INSR: variants seen among roughly 807,000 people sequenced by gnomAD.
The protein encoded by INSR is insulin receptor, also known as IR.
Under a neutral mutation model 142.6 loss-of-function variants are expected in INSR, and 67 were observed. The ratio of observed to expected loss-of-function variants is 0.47; its 90% CI spans 0.39 to 0.58. INSR has a LOEUF of 0.58. INSR is among the 20% of genes least tolerant of loss of function. The pLI, the probability that INSR is intolerant of heterozygous loss-of-function variation, is 0.00. For missense variants in INSR, 1,248 were observed against 1,833.2 expected, an observed-to-expected ratio of 0.68 and a Z score of 5.83; for synonymous variants, 756 against 743.1, an observed-to-expected ratio of 1.02 and a Z score of -0.28.
chr19:7,188,797 G>C lies in INSR; in HGVS notation c.653-4160C>G, dbSNP rs56091360. Among the ~76,000 whole-genome samples, 5 of 144,626 alleles carry C rather than the reference G, an allele frequency of 3.5e-5. No homozygotes were observed. In the East Asian group the frequency reaches 1.0e-3, roughly 30 times the overall value. 94.9% of individuals were successfully genotyped at this position (144,626 alleles called of 152,430 possible). A position where few individuals can be genotyped will look rare whatever the true frequency, so the allele number is the denominator to read the frequency against. ...GCTGAGGCAGTAGAATCGCTTGAAC[G>C]CAAGAGGAGTTTGCAGTGAGTCAAG... On this transcript the variant is annotated intron_variant, in intron 2 of 21. Transcript: ENST00000302850.
At chr19:7,151,168 CTTTCTTTCTT>C (rs1568447390) in intron 10 of INSR, among the ~76,000 whole-genome samples, 10 of 6,418 alleles carry the variant, frequency 1.6e-3, no homozygotes, top group African/African-American at 1.7e-3. Context: ...CTTTCTCTTT[CTTTCTTTCTT>C]TCTTTCTTTC....
chr19:7,134,719 CGT>C (rs1568436305), intron 13 of INSR, among the ~76,000 whole-genome samples: 3 of 151,744 alleles, frequency 2.0e-5, no homozygotes, highest in African/African-American at 7.3e-5. Flanking sequence ...GAGTCGAGAT[CGT>C]GACACTGCAC....
At chr19:7,132,593 CTT>C (rs759007156) in intron 13 of INSR, among the ~76,000 whole-genome samples, 16 of 144,430 alleles carry the variant, frequency 1.1e-4, no homozygotes, top group Non-Finnish European at 1.1e-4. Flanking sequence ...TTTTCTTTTC[CTT>C]TTTTTTTTTT....
intron 2 of INSR, among the ~76,000 whole-genome samples, chr19:7,198,526 C>T (rs1041523954): frequency 2.6e-5 from 4 of 152,136 alleles, no homozygotes; most frequent in Non-Finnish European, 4.4e-5. Context: ...ATCGGGTCAC[C>T]GCGTGGCAGC....
At chr19:7,191,307 GAGAA>G (rs1568475159) in intron 2 of INSR, among the ~76,000 whole-genome samples, 3 of 141,444 alleles carry the variant, frequency 2.1e-5, no homozygotes, top group East Asian at 4.3e-4. Flanking sequence ...GAAAAGAAAA[GAGAA>G]AGAAAGAAAG....
chr19:7,256,474 A>G (rs1201170636), intron 2 of INSR, among the ~76,000 whole-genome samples: 3 of 151,784 alleles, frequency 2.0e-5, no homozygotes, highest in Non-Finnish European at 4.4e-5. Flanking sequence ...AAATAATTCC[A>G]ATCCTGGCTG....
intron 2 of INSR, among the ~76,000 whole-genome samples, chr19:7,248,775 T>TTTTTTTTTTTTTTA (rs1976612946): frequency 1.8e-5 from 2 of 114,194 alleles, no homozygotes; most frequent in Non-Finnish European, 1.9e-5. Context: ...TTTTTTTTTT[T>TTTTTTTTTTTTTTA]GAGACGGAGT....
intron 19 of INSR, 87 bp downstream of exon 19, chr19:7,122,527 G>A (rs1972518359): frequency 2.2e-6 from 3 of 1,373,770 alleles, no homozygotes; most frequent in Non-Finnish European, 2.1e-6. Context: ...TATCAGAAAA[G>A]ACTTAACGGC....
intron 13 of INSR, among the ~76,000 whole-genome samples, chr19:7,135,585 GA>G (rs57360703): frequency 0.19 from 28,431 of 147,748 alleles, 4,539 homozygotes; most frequent in East Asian, 0.65. Context: ...CTCTGTCTCT[GA>G]AAAAAAAAAT....
In INSR at chr19:7,159,465, A is replaced by T. The variant is rs1214248339; in HGVS notation, c.2029+3567T>A. 2 of 152,000 alleles carry T rather than the reference A, an allele frequency of 1.3e-5. No homozygotes were observed. The highest frequency in any genetic ancestry group is 3.9e-4 in the East Asian group (2 of 5,192). 9.4% of individuals were successfully genotyped at this position (152,000 alleles called of 1,614,324 possible). A position where few individuals can be genotyped will look rare whatever the true frequency, so the allele number is the denominator to read the frequency against. ...TCCTTTTAATGATATTAACTTTGTG[A>T]CAATTACAAATAAAACCATGTTTAA... On this transcript the variant is annotated intron_variant, in intron 9 of 21. Transcript: ENST00000302850. The surrounding 1 kb of genome is among the most constrained non-coding windows in gnomAD (Gnocchi z 4.3).
chr19:7,234,830 C>T (rs1019134326), intron 2 of INSR, among the ~76,000 whole-genome samples: 5 of 151,554 alleles, frequency 3.3e-5, no homozygotes, highest in African/African-American at 9.7e-5. Flanking sequence ...GAGGCCGAGG[C>T]GGGTGGACAC....
chr19:7,172,684 C>T (rs1974046041), intron 4 of INSR, among the ~76,000 whole-genome samples: 1 of 152,106 alleles, frequency 6.6e-6, no homozygotes, highest in Non-Finnish European at 1.5e-5. Flanking sequence ...ATCTCCTTGG[C>T]TTGTTCCATC....
Position 7,166,086 on chromosome 19 carries a change from C to G in INSR, c.1861+68G>C. The G allele has an allele frequency of 6.4e-7, 1 of 1,565,774 alleles. No individual in the cohort carries two copies. The highest frequency in any genetic ancestry group is 8.8e-7 in the Non-Finnish European group (1 of 1,137,672). On this transcript the variant is annotated intron_variant, in intron 8 of 21. Coordinates refer to ENST00000302850, the MANE Select transcript of INSR (RefSeq NM_000208.4). This position sits in a 1 kb window ranked among gnomAD's most constrained non-coding sequence, Gnocchi z 4.1. ...TCAAGGAGCATTTTATACAACCTCA[C>G]TGCATCAGCCTATTAAAAGCAAGAG...
intron 2 of INSR, among the ~76,000 whole-genome samples, chr19:7,246,599 T>C (rs1247851750): frequency 6.6e-6 from 1 of 152,242 alleles, no homozygotes; most frequent in African/African-American, 2.4e-5. Flanking sequence ...GATTGTTGAT[T>C]AAGCCATTAC....
rs1475302199 is a variant in INSR, at chr19:7,122,873, G to A, written c.3369+6C>T. On this transcript the variant is annotated splice_donor_region_variant and intron_variant, in intron 18 of 21. Transcript: ENST00000302850. ...GTACCCCGCTGGGTCCCCCGAAGCA[G>A]CTTACCTCAGCCTCTGGCCGCAGAG... The A allele has an allele frequency of 6.2e-7, 1 of 1,609,500 alleles. No homozygotes were observed. The highest frequency in any genetic ancestry group is 8.5e-7 in the Non-Finnish European group (1 of 1,178,222).
At chr19:7,155,865 G>A (rs1195936224) in intron 9 of INSR, among the ~76,000 whole-genome samples, 1 of 151,582 alleles carries the variant, frequency 6.6e-6, no homozygotes, top group African/African-American at 2.4e-5. Flanking sequence ...AGTGAGCTGA[G>A]ATGGGGCCAC....
At chr19:7,257,318 G>A (rs758662085) in intron 2 of INSR, among the ~76,000 whole-genome samples, 4 of 151,922 alleles carry the variant, frequency 2.6e-5, no homozygotes, top group East Asian at 3.9e-4. Flanking sequence ...CTGTATGGAC[G>A]ACAGTGACAT....
chr19:7,292,292 A>G (rs1255571301), intron 1 of INSR, among the ~76,000 whole-genome samples: 3 of 139,782 alleles, frequency 2.1e-5, no homozygotes, highest in Non-Finnish European at 4.7e-5. Context: ...GAGTTTCACC[A>G]TGTTGGCCAG....
intron 3 of INSR, 65 bp downstream of exon 3, chr19:7,184,251 C>T (rs1417544382): frequency 6.3e-6 from 9 of 1,425,536 alleles, no homozygotes; most frequent in South Asian, 3.5e-5. Flanking sequence ...CAAGCGGCAT[C>T]GTCACAACCA....
Sources: allele counts gnomAD v4.1 joint callset (sites outside exome capture counted in the v4.1 genomes callset), GRCh38; gene constraint gnomAD v4.1.1; non-coding constraint Gnocchi (gnomAD v3.1); transcripts MANE v1.5; gene names NCBI Gene and HGNC (gene_info 2026-07-23, HGNC 2026-07-21).